The following RGS7 variants were observed in gnomAD, a reference collection of about 807,000 sequenced individuals.
RGS7 encodes the protein regulator of G-protein signaling 7.
In RGS7, 27 loss-of-function variants were observed where a neutral mutation model predicts 81.1. The observed-to-expected ratio is 0.33, with a 90% CI of 0.25 to 0.46. The LOEUF is 0.46. Ranked by LOEUF, RGS7 falls within the 20% of genes least tolerant of loss-of-function variation. RGS7 has a pLI of 1.00. For synonymous variants in RGS7, 208 were observed against 207.7 expected, an observed-to-expected ratio of 1.00 and a Z score of -0.01; for missense variants, 396 against 607.4, an observed-to-expected ratio of 0.65 and a Z score of 3.66.
intron 2 of RGS7, among the ~76,000 whole-genome samples, chr1:241,180,066 T>C (rs1462294862): frequency 1.3e-5 from 2 of 152,014 alleles, no homozygotes; most frequent in Admixed American, 6.6e-5. Context: ...GAATCTTCAG[T>C]GGAATCTCTG....
At chr1:241,010,165 C>T (rs530673775) in intron 3 of RGS7, among the ~76,000 whole-genome samples, 1 of 152,212 alleles carries the variant, frequency 6.6e-6, no homozygotes, top group South Asian at 2.1e-4. Context: ...CACATGTACC[C>T]TACAACTTAA....
rs76197837 is a variant in RGS7, at chr1:241,163,583, C to CT, written c.79-64822dup. Among the ~76,000 whole-genome samples, 35,641 of 151,996 alleles carry CT rather than the reference C, an allele frequency of 0.23. 4,261 individuals carry two copies. The highest frequency in any genetic ancestry group is 0.36 in the Middle Eastern group (107 of 294). On this transcript the variant is annotated intron_variant, in intron 2 of 18. Coordinates refer to ENST00000440928, the MANE Select transcript of RGS7 (RefSeq NM_001364886.1). The surrounding 1 kb of genome is among the most constrained non-coding windows in gnomAD (Gnocchi z 4.6). Reference sequence around the variant, plus strand: ...TACCATCTATTCTCTCTGAGGGCGGCTACCTGTGAGATTTCATCTACATAA... The same window carrying CT: ...TACCATCTATTCTCTCTGAGGGCGGCTTACCTGTGAGATTTCATCTACATAA...
chr1:240,891,009 G>C (rs1668205237), intron 6 of RGS7, among the ~76,000 whole-genome samples: 1 of 152,170 alleles, frequency 6.6e-6, no homozygotes, highest in African/African-American at 2.4e-5. Flanking sequence ...GGAAAGGATA[G>C]TGACATCACC....
At chr1:241,156,286 G>A (rs2069143221) in intron 2 of RGS7, among the ~76,000 whole-genome samples, 1 of 151,908 alleles carries the variant, frequency 6.6e-6, no homozygotes, top group Non-Finnish European at 1.5e-5. Context: ...GAGCCCAGGA[G>A]TTCAGGAGTT....
intron 3 of RGS7, among the ~76,000 whole-genome samples, chr1:241,022,816 G>A (rs571170975): frequency 1.2e-4 from 18 of 152,208 alleles, no homozygotes; most frequent in African/African-American, 4.3e-4. Flanking sequence ...TTTTGTTTGT[G>A]CAGTGGGCAG....
chr1:240,952,043 C>T (rs931720881), intron 4 of RGS7, among the ~76,000 whole-genome samples: 22 of 151,988 alleles, frequency 1.4e-4, no homozygotes, highest in Admixed American at 1.2e-3. Context: ...TGAAATTACC[C>T]TTCAAAAGTA....
At chr1:241,231,412 C>T (rs979793057) in intron 2 of RGS7, among the ~76,000 whole-genome samples, 1 of 152,148 alleles carries the variant, frequency 6.6e-6, no homozygotes, top group Admixed American at 6.6e-5. Context: ...GTGGTAAGAT[C>T]ACATTTTGAT....
chr1:241,342,075 T>C (rs2148702235), intron 2 of RGS7, among the ~76,000 whole-genome samples: 1 of 152,024 alleles, frequency 6.6e-6, no homozygotes, highest in African/African-American at 2.4e-5. Context: ...GGTTTCACCA[T>C]GTTGGCCAGG....
rs376435064 is a variant in RGS7 at position 241,121,513 on chromosome 1, C to G, written c.79-22751G>C. On this transcript the variant is annotated intron_variant, in intron 2 of 18. Transcript: ENST00000440928. ...ATATGTATGTTATAATTGATGCAGCCTCACATAAAAGGTGACAAGCTATGG... is the reference window on the plus strand; with the variant it reads ...ATATGTATGTTATAATTGATGCAGCGTCACATAAAAGGTGACAAGCTATGG... Among the ~76,000 whole-genome samples, 23 of 152,130 alleles carry G rather than the reference C, an allele frequency of 1.5e-4. No homozygotes were observed. In the East Asian group the frequency reaches 1.7e-3, roughly 12 times the overall value.
At chr1:240,879,383 T>G (rs955735666) in intron 6 of RGS7, among the ~76,000 whole-genome samples, 2 of 152,248 alleles carry the variant, frequency 1.3e-5, no homozygotes, top group African/African-American at 4.8e-5. Context: ...AACGAGTCAG[T>G]GTGTCTTACT....
chr1:240,958,508 G>A (rs1571992969), intron 4 of RGS7, among the ~76,000 whole-genome samples: 1 of 152,150 alleles, frequency 6.6e-6, no homozygotes, highest in Non-Finnish European at 1.5e-5. Flanking sequence ...AATTAGATAT[G>A]CTTTGATTAC....
At chr1:240,778,630 T>A (rs886666805) in intron 18 of RGS7, among the ~76,000 whole-genome samples, 5 of 152,106 alleles carry the variant, frequency 3.3e-5, no homozygotes, top group Non-Finnish European at 7.4e-5. Context: ...CCTCCCGGAT[T>A]CAAGCAATCC....
At chr1:241,247,513 T>C (rs2076606091) in intron 2 of RGS7, among the ~76,000 whole-genome samples, 1 of 152,162 alleles carries the variant, frequency 6.6e-6, no homozygotes, top group Non-Finnish European at 1.5e-5. Flanking sequence ...AAGAGATGGT[T>C]GCATGCTGTT....
intron 4 of RGS7, among the ~76,000 whole-genome samples, chr1:240,939,907 T>TA (rs758418730): frequency 1.3e-5 from 2 of 151,230 alleles, no homozygotes; most frequent in Non-Finnish European, 2.9e-5. Flanking sequence ...CCGTCTCTAC[T>TA]AAAAAAAATA....
At chr1:241,300,251 T>C (rs2079669733) in intron 2 of RGS7, among the ~76,000 whole-genome samples, 2 of 152,200 alleles carry the variant, frequency 1.3e-5, no homozygotes, top group South Asian at 4.1e-4. Context: ...GTACATTTAT[T>C]ACAATCAACA....
At chr1:241,022,754 C>T (rs548327367) in intron 3 of RGS7, among the ~76,000 whole-genome samples, 4 of 152,254 alleles carry the variant, frequency 2.6e-5, no homozygotes, top group African/African-American at 7.2e-5. Flanking sequence ...TGGCCAGCAT[C>T]GTGACACTTA....
chr1:241,314,347 G>A (rs1179715939), intron 2 of RGS7, among the ~76,000 whole-genome samples: 1 of 152,186 alleles, frequency 6.6e-6, no homozygotes, highest in Non-Finnish European at 1.5e-5. Context: ...CAACATTGAG[G>A]CAAGATCCTC....
intron 4 of RGS7, 64 bp from the exon 5 acceptor site, chr1:240,936,770 G>A: frequency 1.6e-6 from 2 of 1,254,676 alleles, no homozygotes; most frequent in South Asian, 2.4e-5. Context: ...TTATAGGAAT[G>A]TAACGTTTTT....
intron 2 of RGS7, among the ~76,000 whole-genome samples, chr1:241,334,799 G>T (rs983235225): frequency 1.3e-5 from 2 of 151,994 alleles, no homozygotes; most frequent in Non-Finnish European, 2.9e-5. Context: ...TTGGCAAAAG[G>T]TCCCATCAGT....
Sources: allele counts gnomAD v4.1 joint callset (sites outside exome capture counted in the v4.1 genomes callset), GRCh38; gene constraint gnomAD v4.1.1; non-coding constraint Gnocchi (gnomAD v3.1); transcripts MANE v1.5; gene names NCBI Gene and HGNC (gene_info 2026-07-23, HGNC 2026-07-21).